Variants in SSPN observed in about 807,000 individuals in gnomAD.
SSPN encodes K-ras oncogene-associated protein.
SSPN carries 15 observed loss-of-function variants against 19.1 expected under a neutral mutation model. That is an observed-to-expected ratio of 0.78 (90% confidence interval 0.52 to 1.21). The LOEUF is 1.21. Ranked by LOEUF, SSPN falls within the 50% of genes most tolerant of loss-of-function variation. The pLI is 0.00. For missense variants in SSPN, 291 were observed against 314.0 expected (o/e 0.93, Z 0.55); for synonymous variants, 147 against 140.3 (o/e 1.05, Z -0.34).
intron 1 of SSPN, among the ~76,000 whole-genome samples, chr12:26,138,744 G>T (rs1334567974): frequency 1.3e-5 from 2 of 151,724 alleles, no homozygotes; most frequent in African/African-American, 2.4e-5. Flanking sequence ...TTTTTAACCT[G>T]TTCTTTTTTT....
At chr12:26,195,990 A>C in intron 1 of SSPN, 39 bp downstream of exon 1, 1 of 1,420,860 alleles carries the variant, frequency 7.0e-7, no homozygotes, top group Non-Finnish European at 9.2e-7. Flanking sequence ...GCGTTTGCCA[A>C]ACAGGAATGC....
At chr12:26,211,759 T>C (rs1190382453) in intron 1 of SSPN, 1 of 152,192 alleles carries the variant, frequency 6.6e-6, no homozygotes, top group Non-Finnish European at 1.5e-5. Flanking sequence ...AAGCACATTT[T>C]TCTTCCCACT....
intron 1 of SSPN, among the ~76,000 whole-genome samples, chr12:26,196,657 C>A (rs1157522869): frequency 3.3e-5 from 5 of 152,216 alleles, no homozygotes; most frequent in Non-Finnish European, 5.9e-5. Context: ...TAAATGAATT[C>A]TTTAATGTAA....
intron 2 of SSPN, among the ~76,000 whole-genome samples, chr12:26,225,871 C>T (rs113843484): frequency 6.6e-6 from 1 of 151,822 alleles, no homozygotes; most frequent in Non-Finnish European, 1.5e-5. Context: ...GAAATACCCT[C>T]ATTTTCCCCC....
chr12:26,123,754 A>G, intron 1 of SSPN: 1 of 1,572,288 alleles, frequency 6.4e-7, no homozygotes, highest in Non-Finnish European at 8.8e-7. Flanking sequence ...GCAGTGGTGC[A>G]AAAAAGAAAC....
At chr12:26,195,536 G>C (rs529066254), upstream of SSPN, 1 of 1,262,832 alleles carries the variant, frequency 7.9e-7, no homozygotes, top group Admixed American at 4.2e-5. Flanking sequence ...GGCTCGGTGA[G>C]TCGGCTCCAA....
In SSPN at chr12:26,130,077, C is replaced by T. The variant is rs114980553; in HGVS notation, c.-31+7925C>T. On this transcript the variant is annotated intron_variant, in intron 1 of 2. Transcript: ENST00000538142. ...GATTGAGGTGGATCCATAATGAGAC[C>T]GGAAAAGTAGCATGAGGAGGAGATG... is the stretch of plus-strand genomic sequence containing the variant. 3.5e-3 allele frequency among the ~76,000 whole-genome samples: 529 copies of T among 152,190 alleles called. 3 individuals are homozygous for T. Among genetic ancestry groups the T allele is most frequent in the African/African-American group, 0.012 (514 of 41,514 alleles).
At chr12:26,127,416 C>A (rs1355883046) in intron 1 of SSPN, among the ~76,000 whole-genome samples, 1 of 152,158 alleles carries the variant, frequency 6.6e-6, no homozygotes, top group South Asian at 2.1e-4. Context: ...ACACATGAAG[C>A]TTTTTTCTGT....
At chr12:26,210,069 A>G (rs1944968971) in intron 1 of SSPN, among the ~76,000 whole-genome samples, 1 of 152,042 alleles carries the variant, frequency 6.6e-6, no homozygotes, top group Admixed American at 6.6e-5. Flanking sequence ...TCAAGCATAC[A>G]CAAGAGTAGA....
chr12:26,188,722 T>A (rs1944769355), intron 1 of SSPN, among the ~76,000 whole-genome samples: 1 of 152,232 alleles, frequency 6.6e-6, no homozygotes, highest in Non-Finnish European at 1.5e-5. Flanking sequence ...TAAAGCCATA[T>A]TATAACCTTT....
chr12:26,208,029 G>T (rs1326960736), intron 1 of SSPN, among the ~76,000 whole-genome samples: 3 of 139,226 alleles, frequency 2.2e-5, no homozygotes, highest in African/African-American at 8.0e-5. Flanking sequence ...GGGGGGGGGG[G>T]ATATATAACA....
At chr12:26,203,198 A>G (rs1413510045) in intron 1 of SSPN, among the ~76,000 whole-genome samples, 2 of 152,212 alleles carry the variant, frequency 1.3e-5, no homozygotes, top group Non-Finnish European at 2.9e-5. Context: ...ACAGAATCAA[A>G]CCATATCAGA....
intron 1 of SSPN, chr12:26,123,186 T>TG (rs1198850402): frequency 1.3e-6 from 2 of 1,564,600 alleles, no homozygotes; most frequent in East Asian, 2.3e-5. Context: ...GAGGAAGGGA[T>TG]GGGGGTGGGG....
In SSPN at chr12:26,162,206, C is replaced by A. The variant is rs190812674; in HGVS notation, c.-31+40054C>A. 3.9e-5 allele frequency among the ~76,000 whole-genome samples: 6 copies of A among 152,256 alleles called. No homozygotes were observed. In the East Asian group the frequency reaches 9.6e-4, roughly 24 times the overall value. On this transcript the variant is annotated intron_variant, in intron 1 of 2. Coordinates refer to the SSPN transcript ENST00000538142. ...CTATCGAATTTGATCATTTTATATG[C>A]AAATAATATCAAAACTCCTTTTTTT... is the stretch of plus-strand genomic sequence containing the variant.
intron 1 of SSPN, among the ~76,000 whole-genome samples, chr12:26,158,880 C>A (rs543052758): frequency 7.2e-4 from 109 of 152,352 alleles, no homozygotes; most frequent in Non-Finnish European, 1.3e-3. Flanking sequence ...GCCAGTAGAG[C>A]CCATTGTGTG....
intron 1 of SSPN, among the ~76,000 whole-genome samples, chr12:26,126,976 G>A (rs1241706803): frequency 6.6e-6 from 1 of 152,160 alleles, no homozygotes; most frequent in Non-Finnish European, 1.5e-5. Context: ...TCGATGGGGA[G>A]GGCACGTTGG....
intron 1 of SSPN, among the ~76,000 whole-genome samples, chr12:26,143,072 T>G (rs915516707): frequency 6.6e-6 from 1 of 152,260 alleles, no homozygotes; most frequent in Non-Finnish European, 1.5e-5. Context: ...TTATAATTCT[T>G]TGTAGTTCTC....
chr12:26,162,391 A>G (rs1011858858), intron 1 of SSPN, among the ~76,000 whole-genome samples: 1 of 152,194 alleles, frequency 6.6e-6, no homozygotes, highest in African/African-American at 2.4e-5. Context: ...TGCTATTCTT[A>G]TCCTCAGTAG....
chr12:26,223,555 A>G (rs1016689240), intron 1 of SSPN, among the ~76,000 whole-genome samples: 3 of 152,214 alleles, frequency 2.0e-5, no homozygotes, highest in African/African-American at 7.2e-5. Context: ...CTGTTCTTTC[A>G]GCACATTCTT....
Sources: gnomAD v4.1 joint callset for allele counts (sites outside exome capture counted in the v4.1 genomes callset) on GRCh38, gnomAD v4.1.1 for gene constraint, MANE v1.5 for transcripts, NCBI Gene and HGNC (gene_info 2026-07-23, HGNC 2026-07-21) for gene names.